MAPK1IP1L: variants seen among roughly 807,000 people sequenced by gnomAD.
MAPK1IP1L encodes mitogen-activated protein kinase 1 interacting protein 1 like, also known as MAPK-interacting and spindle-stabilizing protein-like.
In MAPK1IP1L, 10 loss-of-function variants were observed where a neutral mutation model predicts 18.1. The ratio of observed to expected loss-of-function variants is 0.55; its 90% CI spans 0.34 to 0.94. The LOEUF is 0.94. Among genes scored for constraint, MAPK1IP1L ranks in the 40% least tolerant of loss-of-function variants. The probability of loss-of-function intolerance (pLI) is 0.02; values close to 1 mark genes in which losing one functional copy is unlikely to be tolerated. For synonymous variants in MAPK1IP1L, 115 were observed against 117.3 expected (o/e 0.98, Z 0.13); for missense variants, 260 against 318.2 (o/e 0.82, Z 1.39).
rs769850778 is a variant in MAPK1IP1L at position 55,063,159 on chromosome 14, C to T, written c.560C>T (p.Pro187Leu). 1.2e-5 allele frequency: 19 copies of T among 1,613,986 alleles called. No individual in the cohort carries two copies. The highest frequency in any genetic ancestry group is 1.5e-5 in the Non-Finnish European group (18 of 1,180,038). ...PPPPQAPGAA[P>L]PVPWGTVPPG... ...CCTCCCCAAGCCCCTGGGGCAGCAC[C>T]ACCTGTTCCATGGGGCACCGTTCCA... The change falls in exon 3 of 4, where the codon CCA (proline) becomes CTA (leucine). Residue 187 changes from proline (P) to leucine (L), a missense_variant. Physicochemically the swap from Pro to Leu is moderately conservative, Grantham distance 98 (BLOSUM62 -3). Transcript: ENST00000395468.
rs2042863318 is a variant in MAPK1IP1L, at chr14:55,066,561, T to G, written c.*1934T>G. The G allele has an allele frequency of 6.6e-6, 1 of 152,152 alleles. No homozygotes were observed. Among genetic ancestry groups the G allele is most frequent in the African/African-American group, 2.4e-5 (1 of 41,426 alleles). 9.4% of individuals were successfully genotyped at this position (152,152 alleles called of 1,614,324 possible). A position where few individuals can be genotyped will look rare whatever the true frequency, so the allele number is the denominator to read the frequency against. On this transcript the variant is annotated 3_prime_UTR_variant, in exon 4 of 4. Transcript: ENST00000395468. ...TGGAGGGATAAAGTAATGTGAAAAG[T>G]GAGATGGCTGCAAAGATAGCTCTCC...
chr14:55,052,135 C>G (rs1012547779), intron 1 of MAPK1IP1L, among the ~76,000 whole-genome samples: 9 of 150,300 alleles, frequency 6.0e-5, no homozygotes, highest in Admixed American at 4.6e-4. Flanking sequence ...CCACCCCTTC[C>G]CGGCGGGCGC....
At chr14:55,058,705 GC>G (rs767798786) in intron 1 of MAPK1IP1L, among the ~76,000 whole-genome samples, 52 of 151,968 alleles carry the variant, frequency 3.4e-4, no homozygotes, top group Non-Finnish European at 5.9e-4. Context: ...GGCGGCGCTT[GC>G]CTATAATCCC....
Position 55,061,670 on chromosome 14 carries a change from C to A in MAPK1IP1L, c.-4-10C>A. 1 of 1,550,016 alleles carries A rather than the reference C, an allele frequency of 6.5e-7. No individual in the cohort carries two copies. The highest frequency in any genetic ancestry group is 1.4e-5 in the African/African-American group (1 of 72,922). On this transcript the variant is annotated splice_polypyrimidine_tract_variant and intron_variant, in intron 1 of 3. Transcript: ENST00000395468. ...TTTTCTTTCTTCCTTCATTTCTTTT[C>A]TTTTTTTAGGAAAATGTCTGATGAA...
intron 1 of MAPK1IP1L, among the ~76,000 whole-genome samples, chr14:55,060,111 T>C (rs1338553390): frequency 6.8e-6 from 1 of 146,752 alleles, no homozygotes; most frequent in East Asian, 2.1e-4. Context: ...ATAACCAAAA[T>C]ATGCCCTTTA....
chr14:55,059,243 A>AG (rs1219887260), intron 1 of MAPK1IP1L, among the ~76,000 whole-genome samples: 23 of 151,454 alleles, frequency 1.5e-4, no homozygotes, highest in African/African-American at 5.6e-4. Flanking sequence ...AAAAAAAAAA[A>AG]AAGACAGTAG....
intron 1 of MAPK1IP1L, 120 bp downstream of exon 1, chr14:55,051,923 T>G (rs1259675279): frequency 2.0e-5 from 8 of 394,352 alleles, no homozygotes; most frequent in Non-Finnish European, 2.5e-5. Context: ...TCGAGTCACG[T>G]CCAGTGCTCG....
intron 3 of MAPK1IP1L, chr14:55,063,864 G>T (rs2042839804): frequency 6.6e-6 from 1 of 152,566 alleles, no homozygotes; most frequent in South Asian, 2.1e-4. Flanking sequence ...AACCCAGTGT[G>T]GGGTTAACAT....
At chr14:55,058,886 TTAATA>T (rs2042792155) in intron 1 of MAPK1IP1L, among the ~76,000 whole-genome samples, 1 of 151,368 alleles carries the variant, frequency 6.6e-6, no homozygotes, top group Non-Finnish European at 1.5e-5. Context: ...AAAATATAAG[TTAATA>T]TAATTATATA....
intron 1 of MAPK1IP1L, among the ~76,000 whole-genome samples, chr14:55,059,603 CTG>C (rs1389362088): frequency 1.3e-5 from 2 of 152,206 alleles, no homozygotes; most frequent in Non-Finnish European, 2.9e-5. Flanking sequence ...TCCACAATAT[CTG>C]TGGGAAATGA....
chr14:55,065,784 CTGTT>C lies in MAPK1IP1L; in HGVS notation c.*1161_*1164del, dbSNP rs1369046138. The C allele has an allele frequency of 3.3e-5, 5 of 152,164 alleles. No homozygotes were observed. Among genetic ancestry groups the C allele is most frequent in the East Asian group, 1.9e-4 (1 of 5,202 alleles). 9.4% of individuals were successfully genotyped at this position (152,164 alleles called of 1,614,324 possible). A position where few individuals can be genotyped will look rare whatever the true frequency, so the allele number is the denominator to read the frequency against. On this transcript the variant is annotated 3_prime_UTR_variant, in exon 4 of 4. Coordinates refer to ENST00000395468, the MANE Select transcript of MAPK1IP1L (RefSeq NM_144578.4). The stretch of plus-strand genomic sequence containing the variant: ...TTGTCTACTGCATAGTTTCCTGAGT[CTGTT>C]TGTAAAGTGCTTATGGCTAACAGTT...
rs1221918301 is a variant in MAPK1IP1L, at chr14:55,068,068, C to A, written c.*3441C>A. 6.6e-6 allele frequency: 1 copy of A among 152,194 alleles called. No individual in the cohort carries two copies. Among genetic ancestry groups the A allele is most frequent in the African/African-American group, 2.4e-5 (1 of 41,446 alleles). The allele number at this position is 152,194 out of a possible 1,614,324, so 9.4% of individuals were successfully genotyped here. On this transcript the variant is annotated 3_prime_UTR_variant, in exon 4 of 4. Transcript: ENST00000395468. ...CCTGCCACTTTCTCATCTTTTCATG[C>A]TTTTGAAGACACCATTTACAGCTCT...
rs1233151314 is a variant in MAPK1IP1L at position 55,070,054 on chromosome 14, C to T, written c.*5427C>T. On this transcript the variant is annotated 3_prime_UTR_variant, in exon 4 of 4. Coordinates refer to ENST00000395468, the MANE Select transcript of MAPK1IP1L (RefSeq NM_144578.4). ...GTGCTACTTTTGGAAGGAATTTCTG[C>T]TTTTTGCCTTATGATTGGACAAAAT... 2 of 152,162 alleles carry T rather than the reference C, an allele frequency of 1.3e-5. No homozygotes were observed. The highest frequency in any genetic ancestry group is 2.9e-5 in the Non-Finnish European group (2 of 68,040). The allele number at this position is 152,162 out of a possible 1,614,324, so 9.4% of individuals were successfully genotyped here. A position where few individuals can be genotyped will look rare whatever the true frequency, so the allele number is the denominator to read the frequency against.
intron 1 of MAPK1IP1L, among the ~76,000 whole-genome samples, chr14:55,060,147 T>C (rs1435963315): frequency 6.8e-6 from 1 of 147,228 alleles, no homozygotes; most frequent in Non-Finnish European, 1.5e-5. Flanking sequence ...AAAGGAATTT[T>C]GGAGAAATTT....
intron 1 of MAPK1IP1L, among the ~76,000 whole-genome samples, chr14:55,056,090 C>T (rs557635101): frequency 1.3e-5 from 2 of 152,088 alleles, no homozygotes; most frequent in East Asian, 1.9e-4. Flanking sequence ...AAGACAGTGC[C>T]GTAGAACAGA....
In MAPK1IP1L at chr14:55,062,624, G is replaced by A; in HGVS notation, c.25G>A (p.Asp9Asn). The change falls in exon 3 of 4, where the codon GAT (aspartate) becomes AAT (asparagine). Residue 9 changes from aspartate (D) to asparagine (N), a missense_variant. By Grantham distance (23) the Asp-to-Asn change is conservative. Coordinates refer to ENST00000395468, the MANE Select transcript of MAPK1IP1L (RefSeq NM_144578.4). MSDEFSLA[D>N]ALPEHSPAKT... ...TATCTGTTTTGTGTTCCAGTTGGCA[G>A]ATGCACTACCTGAACACTCCCCTGC... 6.2e-7 allele frequency: 1 copy of A among 1,607,100 alleles called. No individual in the cohort carries two copies. The highest frequency in any genetic ancestry group is 8.5e-7 in the Non-Finnish European group (1 of 1,175,834).
At position 55,067,031 on chromosome 14, in the gene MAPK1IP1L, G is replaced by T. The variant is rs896452216; in HGVS notation, c.*2404G>T. ...TCCTGCCTCAGCCTCCCAAGCAGCT[G>T]GGACTACAGGTGCCCGCCACCATGC... On this transcript the variant is annotated 3_prime_UTR_variant, in exon 4 of 4. Coordinates refer to ENST00000395468, the MANE Select transcript of MAPK1IP1L (RefSeq NM_144578.4). 2.0e-5 allele frequency: 3 copies of T among 151,030 alleles called. No homozygotes were observed. Among genetic ancestry groups the T allele is most frequent in the African/African-American group, 7.3e-5 (3 of 40,946 alleles). The allele number at this position is 151,030 out of a possible 1,614,324, so 9.4% of individuals were successfully genotyped here. A position where few individuals can be genotyped will look rare whatever the true frequency, so the allele number is the denominator to read the frequency against.
chr14:55,064,033 T>TTTTTTTTTTTTG (rs1348655243), intron 3 of MAPK1IP1L: 12 of 111,354 alleles, frequency 1.1e-4, no homozygotes, highest in African/African-American at 4.9e-4. Flanking sequence ...TTTTTTTTTT[T>TTTTTTTTTTTTG]GAGACAGTCT....
At chr14:55,052,150 C>T (rs530256988) in intron 1 of MAPK1IP1L, among the ~76,000 whole-genome samples, 3 of 150,546 alleles carry the variant, frequency 2.0e-5, no homozygotes, top group Non-Finnish European at 4.5e-5. Context: ...GGGCGCGACC[C>T]GCTAGGAGGC....
Sources: allele counts gnomAD v4.1 joint callset (sites outside exome capture counted in the v4.1 genomes callset), GRCh38; gene constraint gnomAD v4.1.1; transcripts MANE v1.5; gene names NCBI Gene and HGNC (gene_info 2026-07-23, HGNC 2026-07-21).